C12orf42: variants seen among roughly 807,000 people sequenced by gnomAD.
C12orf42 encodes chromosome 12 open reading frame 42.
A neutral mutation model predicts 21.6 loss-of-function variants in C12orf42; 25 were observed. That is an observed-to-expected ratio of 1.16 (90% CI 0.84 to 1.62). The LOEUF (loss-of-function observed/expected upper bound fraction) is 1.62, where lower values mean the gene tolerates loss of function less well. Among genes scored for constraint, C12orf42 ranks in the 40% most tolerant of loss-of-function variants. C12orf42 has a pLI of 0.00. For missense variants in C12orf42, 483 were observed against 459.3 expected, an observed-to-expected ratio of 1.05 and a Z score of -0.47; for synonymous variants, 174 against 175.0, an observed-to-expected ratio of 0.99 and a Z score of 0.05.
chr12:103,173,724 T>C, the C12orf42 span, among the ~76,000 whole-genome samples: 2 of 152,146 alleles, frequency 1.3e-5, no homozygotes, highest in Non-Finnish European at 1.5e-5. Context: ...CTTTGGTGGA[T>C]TGTGCTTGAT....
At chr12:103,390,224 T>C (rs543904325) in intron 3 of C12orf42, among the ~76,000 whole-genome samples, 2 of 152,242 alleles carry the variant, frequency 1.3e-5, no homozygotes, top group African/African-American at 2.4e-5. Context: ...CTACCACTTA[T>C]ACAGCATTTA....
At chr12:103,238,796 T>C (rs950540434) in intron 10 of C12orf42, among the ~76,000 whole-genome samples, 15 of 152,168 alleles carry the variant, frequency 9.9e-5, no homozygotes, top group African/African-American at 3.4e-4. Context: ...CTCTGATTCC[T>C]GAAAGACTAA....
chr12:103,253,839 G>C (rs192937541), intron 10 of C12orf42, among the ~76,000 whole-genome samples: 24 of 146,588 alleles, frequency 1.6e-4, no homozygotes, highest in Admixed American at 1.6e-3. Context: ...TTTTTTTCTT[G>C]TAAATTTGTT....
chr12:103,071,547 G>A, the C12orf42 span, among the ~76,000 whole-genome samples: 1 of 152,088 alleles, frequency 6.6e-6, no homozygotes. Context: ...TGTCAAGGGT[G>A]GGGCCAGGTA....
chr12:103,269,282 T>C (rs745879580), intron 6 of C12orf42, among the ~76,000 whole-genome samples: 14 of 152,084 alleles, frequency 9.2e-5, no homozygotes, highest in Non-Finnish European at 1.6e-4. Context: ...GCGGATGACG[T>C]AAGTAGACAA....
chr12:103,256,986 T>C (rs2034648212), intron 10 of C12orf42, among the ~76,000 whole-genome samples: 1 of 152,150 alleles, frequency 6.6e-6, no homozygotes, highest in Non-Finnish European at 1.5e-5. Context: ...TGGTTTTGAC[T>C]GGATAAAAAA....
intron 4 of C12orf42, among the ~76,000 whole-genome samples, chr12:103,296,392 C>T (rs1162361409): frequency 6.6e-6 from 1 of 152,118 alleles, no homozygotes; most frequent in Non-Finnish European, 1.5e-5. Context: ...AATGAGATGG[C>T]TGGGTCAAAT....
chr12:103,167,122 C>A, the C12orf42 span, among the ~76,000 whole-genome samples: 1 of 152,134 alleles, frequency 6.6e-6, no homozygotes, highest in Non-Finnish European at 1.5e-5. Flanking sequence ...CCCTGATAGT[C>A]TTAGTGGTTG....
intron 3 of C12orf42, among the ~76,000 whole-genome samples, chr12:103,393,183 T>C (rs2082993550): frequency 6.6e-6 from 1 of 152,200 alleles, no homozygotes; most frequent in African/African-American, 2.4e-5. Flanking sequence ...TTTAATTGGC[T>C]CACAGGGATC....
Position 103,306,037 on chromosome 12 carries a change from T to C in C12orf42, c.568A>G (p.Ile190Val). The stretch of plus-strand genomic sequence containing the variant: ...GGTCTTGTGTGTCTACTGATGTGTA[T>C]GCCCTGAGCCTCCAGGTGAACAGGA... The part of the protein sequence containing the change: ...VNPVHLEAQG[I>V]HISRHTRPKG... The change falls in exon 5 of 6, where the codon ATA (isoleucine) becomes GTA (valine). Residue 190 changes from isoleucine to valine, a missense_variant. Transcript: ENST00000548883. 1.9e-6 allele frequency: 3 copies of C among 1,614,024 alleles called. No individual in the cohort carries two copies. Among genetic ancestry groups the C allele is most frequent in the Non-Finnish European group, 2.5e-6 (3 of 1,179,854 alleles).
At chr12:103,461,157 A>G (rs1478882965) in intron 2 of C12orf42, among the ~76,000 whole-genome samples, 1 of 152,230 alleles carries the variant, frequency 6.6e-6, no homozygotes, top group Non-Finnish European at 1.5e-5. Flanking sequence ...GTGAAATTTT[A>G]TTTTATATTC....
intron 4 of C12orf42, among the ~76,000 whole-genome samples, chr12:103,291,208 C>T (rs1181322514): frequency 6.6e-6 from 1 of 152,164 alleles, no homozygotes; most frequent in Non-Finnish European, 1.5e-5. Context: ...AAATTCTGGT[C>T]AGCCTGCCTA....
chr12:103,090,505 C>A, the C12orf42 span, among the ~76,000 whole-genome samples: 1 of 152,280 alleles, frequency 6.6e-6, no homozygotes, highest in Non-Finnish European at 1.5e-5. Context: ...AAAAAATCCA[C>A]CTCATAGAGG....
the C12orf42 span, among the ~76,000 whole-genome samples, chr12:103,113,777 A>G: frequency 5.0e-4 from 76 of 152,186 alleles, no homozygotes; most frequent in African/African-American, 1.7e-3. Context: ...AAGTGGAAAT[A>G]ATTTGCTTTT....
the C12orf42 span, among the ~76,000 whole-genome samples, chr12:103,053,897 G>T: frequency 6.6e-6 from 1 of 151,770 alleles, no homozygotes; most frequent in Admixed American, 6.6e-5. Context: ...CAAAATCAGT[G>T]AGGCATATTT....
chr12:103,520,447 G>C, the C12orf42 span, among the ~76,000 whole-genome samples: 220 of 152,196 alleles, frequency 1.4e-3, no homozygotes, highest in African/African-American at 5.1e-3. Context: ...CCAGAACTTT[G>C]AGAGTCCCAA....
intron 2 of C12orf42, among the ~76,000 whole-genome samples, chr12:103,432,956 C>T (rs913044738): frequency 6.6e-6 from 1 of 152,072 alleles, no homozygotes; most frequent in Non-Finnish European, 1.5e-5. Flanking sequence ...TATGGCAGCA[C>T]AAGAAAACTA....
intron 1 of C12orf42, among the ~76,000 whole-genome samples, chr12:103,495,602 CG>C (rs916822082): frequency 2.1e-5 from 3 of 139,676 alleles, no homozygotes; most frequent in East Asian, 2.2e-4. Context: ...GCCGGGGCAA[CG>C]GGGGGCGGGG....
At chr12:103,184,188 C>G in the C12orf42 span, among the ~76,000 whole-genome samples, 1 of 152,192 alleles carries the variant, frequency 6.6e-6, no homozygotes, top group Non-Finnish European at 1.5e-5. Flanking sequence ...AGTCTATCTC[C>G]TTTCAGCTCT....
Sources: gnomAD v4.1 joint callset for allele counts (sites outside exome capture counted in the v4.1 genomes callset) on GRCh38, gnomAD v4.1.1 for gene constraint, MANE v1.5 for transcripts, NCBI Gene and HGNC (gene_info 2026-07-23, HGNC 2026-07-21) for gene names.